The following GRXCR1 variants were observed in gnomAD, a reference collection of about 807,000 sequenced individuals.
The protein encoded by GRXCR1 is glutaredoxin and cysteine rich domain containing 1, also known as glutaredoxin domain-containing cysteine-rich protein 1.
Under a neutral mutation model 27.3 loss-of-function variants are expected in GRXCR1, and 27 were observed. That is an observed-to-expected ratio of 0.99 (90% confidence interval 0.73 to 1.37). The LOEUF (loss-of-function observed/expected upper bound fraction) is 1.37. GRXCR1 is among the 40% of genes most tolerant of loss of function. The pLI, the probability that GRXCR1 is intolerant of heterozygous loss-of-function variation, is 0.00. For missense variants in GRXCR1, 379 were observed against 354.4 expected, an observed-to-expected ratio of 1.07 and a Z score of -0.56; for synonymous variants, 122 against 131.1, an observed-to-expected ratio of 0.93 and a Z score of 0.47.
At chr4:43,024,472 C>A (rs1045356117) in intron 3 of GRXCR1, among the ~76,000 whole-genome samples, 8 of 150,556 alleles carry the variant, frequency 5.3e-5, no homozygotes, top group Non-Finnish European at 1.5e-5. Flanking sequence ...TAGAAACCAC[C>A]TATAGATTCA....
intron 2 of GRXCR1, among the ~76,000 whole-genome samples, chr4:42,993,926 C>T (rs148274614): frequency 1.0e-3 from 156 of 152,106 alleles, no homozygotes; most frequent in African/African-American, 3.7e-3. Flanking sequence ...CATAAATAAA[C>T]GAGTGTAGAA....
At chr4:42,990,252 C>T (rs1347653354) in intron 2 of GRXCR1, among the ~76,000 whole-genome samples, 1 of 119,012 alleles carries the variant, frequency 8.4e-6, no homozygotes, top group African/African-American at 3.1e-5. Context: ...AGTGCAGTGT[C>T]GGGATCTCGG....
At chr4:42,948,594 A>T (rs6414659) in intron 1 of GRXCR1, among the ~76,000 whole-genome samples, 126,423 of 151,928 alleles carry the variant, frequency 0.83, 52,889 homozygotes, top group East Asian at 0.93. Context: ...TGCTGAATAA[A>T]GCTCCCCGCC....
chr4:42,947,267 G>T (rs1195942136), intron 1 of GRXCR1, among the ~76,000 whole-genome samples: 1 of 152,066 alleles, frequency 6.6e-6, no homozygotes, highest in African/African-American at 2.4e-5. Flanking sequence ...TCAGGGGAAA[G>T]AGTGACCCTA....
At chr4:42,922,689 T>C (rs1747043729) in intron 1 of GRXCR1, among the ~76,000 whole-genome samples, 1 of 152,086 alleles carries the variant, frequency 6.6e-6, no homozygotes, top group Non-Finnish European at 1.5e-5. Flanking sequence ...ATCAGTGAGA[T>C]CCTGAGGCCT....
chr4:42,940,150 T>A (rs1747581398), intron 1 of GRXCR1, among the ~76,000 whole-genome samples: 1 of 152,040 alleles, frequency 6.6e-6, no homozygotes, highest in Non-Finnish European at 1.5e-5. Flanking sequence ...CTGCTGGAAT[T>A]CCTGGAGGTA....
At chr4:42,996,310 C>T (rs964307647) in intron 2 of GRXCR1, among the ~76,000 whole-genome samples, 1 of 151,990 alleles carries the variant, frequency 6.6e-6, no homozygotes, top group African/African-American at 2.4e-5. Context: ...TGGCTAATAC[C>T]GTCTGATTAA....
chr4:42,979,838 T>A (rs560532038), intron 2 of GRXCR1, among the ~76,000 whole-genome samples: 10 of 152,060 alleles, frequency 6.6e-5, no homozygotes, highest in Middle Eastern at 3.4e-3. Context: ...ACTTATTCAA[T>A]CTCCTTATTA....
At chr4:42,903,952 G>A (rs144047294) in intron 1 of GRXCR1, among the ~76,000 whole-genome samples, 232 of 152,182 alleles carry the variant, frequency 1.5e-3, no homozygotes, top group African/African-American at 5.4e-3. Flanking sequence ...TTCTGCTGGA[G>A]GTTTAAATAT....
At chr4:42,990,986 G>T (rs566028201) in intron 2 of GRXCR1, among the ~76,000 whole-genome samples, 1 of 151,820 alleles carries the variant, frequency 6.6e-6, no homozygotes, top group Non-Finnish European at 1.5e-5. Context: ...TTATCAATTT[G>T]TCTTCATATA....
chr4:42,983,650 A>G (rs1342669628), intron 2 of GRXCR1, among the ~76,000 whole-genome samples: 2 of 151,846 alleles, frequency 1.3e-5, no homozygotes, highest in Non-Finnish European at 2.9e-5. Context: ...CTTGGGCAGT[A>G]TGGCCATTTT....
intron 1 of GRXCR1, among the ~76,000 whole-genome samples, chr4:42,910,035 G>A (rs1031423032): frequency 1.3e-5 from 2 of 152,074 alleles, no homozygotes; most frequent in South Asian, 2.1e-4. Flanking sequence ...CACATGGCTG[G>A]GGAGGCCTCA....
chr4:43,009,578 A>C (rs1018053085), intron 2 of GRXCR1, among the ~76,000 whole-genome samples: 2 of 152,158 alleles, frequency 1.3e-5, no homozygotes, highest in Non-Finnish European at 2.9e-5. Flanking sequence ...TGGGGAGTCC[A>C]AGATCAAGGT....
chr4:43,021,184 T>A (rs1445390621), intron 3 of GRXCR1, among the ~76,000 whole-genome samples: 1 of 152,154 alleles, frequency 6.6e-6, no homozygotes, highest in African/African-American at 2.4e-5. Flanking sequence ...TTCCTTCCAC[T>A]CTAGATAAAA....
intron 2 of GRXCR1, among the ~76,000 whole-genome samples, chr4:42,985,806 TAAAAC>T (rs1711697725): frequency 6.6e-6 from 1 of 152,186 alleles, no homozygotes; most frequent in South Asian, 2.1e-4. Flanking sequence ...ATCAAAAAGT[TAAAAC>T]AAATACAATA....
chr4:42,928,573 G>C (rs951457727), intron 1 of GRXCR1, among the ~76,000 whole-genome samples: 5 of 151,980 alleles, frequency 3.3e-5, no homozygotes, highest in South Asian at 2.1e-4. Context: ...GAGAGGCTCA[G>C]GAAAACAATG....
At chr4:43,012,245 A>G (rs1712774434) in intron 2 of GRXCR1, among the ~76,000 whole-genome samples, 1 of 152,202 alleles carries the variant, frequency 6.6e-6, no homozygotes, top group Non-Finnish European at 1.5e-5. Flanking sequence ...CACTTTATGT[A>G]TTCTACAGTT....
chr4:42,923,261 T>C (rs1190694416), intron 1 of GRXCR1, among the ~76,000 whole-genome samples: 1 of 152,120 alleles, frequency 6.6e-6, no homozygotes, highest in South Asian at 2.1e-4. Flanking sequence ...AGCTGGGTAA[T>C]AGCAGTAGGA....
chr4:42,998,913 A>G (rs1030886832), intron 2 of GRXCR1, among the ~76,000 whole-genome samples: 4 of 152,222 alleles, frequency 2.6e-5, no homozygotes, highest in African/African-American at 9.7e-5. Context: ...CCAGGCATGC[A>G]ATACAGCTAA....
Sources: allele counts gnomAD v4.1 joint callset (sites outside exome capture counted in the v4.1 genomes callset), GRCh38; gene constraint gnomAD v4.1.1; transcripts MANE v1.5; gene names NCBI Gene and HGNC (gene_info 2026-07-23, HGNC 2026-07-21).